RELL1: variants seen among roughly 807,000 people sequenced by gnomAD.
RELL1 encodes RELT like 1.
RELL1 carries 10 observed loss-of-function variants against 23.0 expected under a neutral mutation model. That is an observed-to-expected ratio of 0.43 (90% CI 0.27 to 0.74). The LOEUF (loss-of-function observed/expected upper bound fraction) is 0.74. RELL1 is among the 30% of genes least tolerant of loss of function. The probability of loss-of-function intolerance (pLI) is 0.19; values close to 1 mark genes in which losing one functional copy is unlikely to be tolerated. For synonymous variants in RELL1, 146 were observed against 146.8 expected (o/e 0.99, Z 0.04); for missense variants, 315 against 364.4 (o/e 0.86, Z 1.10).
At chr4:37,668,571 T>G (rs1309733949) in intron 1 of RELL1, among the ~76,000 whole-genome samples, 1 of 151,930 alleles carries the variant, frequency 6.6e-6, no homozygotes, top group Non-Finnish European at 1.5e-5. Flanking sequence ...CGCTACAACA[T>G]CCACCTCCCA....
intron 6 of RELL1, among the ~76,000 whole-genome samples, chr4:37,603,383 G>A (rs1719068684): frequency 6.6e-6 from 1 of 152,192 alleles, no homozygotes; most frequent in Non-Finnish European, 1.5e-5. Context: ...GCATGGTTCT[G>A]GGAAGATGAG....
chr4:37,630,943 A>AG (rs1447327920), intron 6 of RELL1, among the ~76,000 whole-genome samples: 1 of 141,522 alleles, frequency 7.1e-6, no homozygotes, highest in African/African-American at 2.5e-5. Flanking sequence ...TGGTTGTTTA[A>AG]AAAAAAAAAA....
intron 6 of RELL1, among the ~76,000 whole-genome samples, chr4:37,619,149 G>A (rs1719681112): frequency 6.6e-6 from 1 of 151,296 alleles, no homozygotes; most frequent in African/African-American, 2.4e-5. Flanking sequence ...AAAGTGCTGG[G>A]ATCACAGGCG....
intron 6 of RELL1, chr4:37,591,886 G>A (rs1718624348): frequency 6.6e-6 from 1 of 152,132 alleles, no homozygotes; most frequent in South Asian, 2.1e-4. Flanking sequence ...GAATATCAGT[G>A]ACCCTGGATG....
intron 1 of RELL1, among the ~76,000 whole-genome samples, chr4:37,650,988 G>A (rs185101721): frequency 6.6e-6 from 1 of 151,386 alleles, no homozygotes; most frequent in East Asian, 1.9e-4. Flanking sequence ...GAGCCTGCGA[G>A]GCAGAGGTTG....
intron 6 of RELL1, 84 bp downstream of exon 6, chr4:37,631,301 C>T (rs1720119720): frequency 1.4e-6 from 2 of 1,437,568 alleles, no homozygotes; most frequent in African/African-American, 2.9e-5. Context: ...CATTCCTATG[C>T]TGCCACAGCA....
chr4:37,659,779 T>C (rs949272309), intron 1 of RELL1, among the ~76,000 whole-genome samples: 9 of 152,044 alleles, frequency 5.9e-5, no homozygotes, highest in African/African-American at 2.2e-4. Context: ...CACGAGCCCA[T>C]CCTCCATGTC....
Position 37,630,356 on chromosome 4 carries a change from G to GTTTTTTTTTTTT in RELL1, c.*3+1017_*3+1028dup, listed in dbSNP as rs59763359. Among the ~76,000 whole-genome samples, 22 of 86,740 alleles carry GTTTTTTTTTTTT rather than the reference G, an allele frequency of 2.5e-4. 1 individual carries two copies. Among genetic ancestry groups the GTTTTTTTTTTTT allele is most frequent in the African/African-American group, 1.1e-3 (22 of 20,768 alleles). 56.9% of individuals were successfully genotyped at this position (86,740 alleles called of 152,430 possible). ...CAGGGTTCTGGTGCGTGTGTGTGTG[G>GTTTTTTTTTTTT]TTTTTTTTTTTTTTTTTTTTTTTTT... On this transcript the variant is annotated intron_variant, in intron 6 of 6. Coordinates refer to ENST00000454158, the MANE Select transcript of RELL1 (RefSeq NM_001085400.2).
intron 1 of RELL1, among the ~76,000 whole-genome samples, chr4:37,681,112 T>C (rs1722205101): frequency 6.6e-6 from 1 of 152,006 alleles, no homozygotes; most frequent in Non-Finnish European, 1.5e-5. Flanking sequence ...TAAAGGGAAA[T>C]GAGAAAAGAT....
chr4:37,681,030 C>T (rs746416625), intron 1 of RELL1, among the ~76,000 whole-genome samples: 2 of 151,798 alleles, frequency 1.3e-5, no homozygotes, highest in Admixed American at 1.3e-4. Flanking sequence ...GGGTGATTCT[C>T]GCTCCTTCCT....
chr4:37,617,469 A>G (rs553074651), intron 6 of RELL1, among the ~76,000 whole-genome samples: 4 of 152,342 alleles, frequency 2.6e-5, no homozygotes, highest in Admixed American at 6.5e-5. Context: ...TCACTTAAAG[A>G]CTGAAATATT....
chr4:37,594,606 T>C (rs1718764483), intron 6 of RELL1, among the ~76,000 whole-genome samples: 1 of 152,210 alleles, frequency 6.6e-6, no homozygotes, highest in Non-Finnish European at 1.5e-5. Context: ...TTAAATTTTT[T>C]CCCCTCATTG....
intron 6 of RELL1, among the ~76,000 whole-genome samples, chr4:37,620,961 T>C (rs2109243472): frequency 6.6e-6 from 1 of 152,328 alleles, no homozygotes; most frequent in African/African-American, 2.4e-5. Flanking sequence ...ATGGAGAAGC[T>C]GGGGCATCAG....
downstream of RELL1, among the ~76,000 whole-genome samples, chr4:37,608,937 T>A (rs1486659751): frequency 3.9e-5 from 6 of 152,196 alleles, no homozygotes; most frequent in Non-Finnish European, 7.3e-5. Context: ...AGCCAGTTCA[T>A]AAGGATTAAC....
chr4:37,634,609 G>A (rs1424614747), intron 5 of RELL1, among the ~76,000 whole-genome samples: 1 of 152,216 alleles, frequency 6.6e-6, no homozygotes, highest in Non-Finnish European at 1.5e-5. Flanking sequence ...AAATATAAAT[G>A]TCTATTCTGT....
At position 37,642,631 on chromosome 4, in the gene RELL1, C is replaced by G. The variant is rs908609420; in HGVS notation, c.386-4127G>C. 7.2e-5 allele frequency among the ~76,000 whole-genome samples: 11 copies of G among 152,182 alleles called. 1 individual carries two copies. In the South Asian group the frequency reaches 2.3e-3, roughly 32 times the overall value. On this transcript the variant is annotated intron_variant, in intron 3 of 6. Coordinates refer to ENST00000454158, the MANE Select transcript of RELL1 (RefSeq NM_001085400.2). Reference sequence around the variant, plus strand: ...GTCTTTTGTTATTCATAATGAGCACCTTTTGATCACACCTGGGTTTACACT... The same window carrying G: ...GTCTTTTGTTATTCATAATGAGCACGTTTTGATCACACCTGGGTTTACACT...
At chr4:37,668,904 C>CA (rs1305827131) in intron 1 of RELL1, among the ~76,000 whole-genome samples, 1 of 151,794 alleles carries the variant, frequency 6.6e-6, no homozygotes, top group African/African-American at 2.4e-5. Context: ...TCTGCCCGGC[C>CA]GCCCCGTCTG....
chr4:37,655,778 C>T (rs1246525495), intron 1 of RELL1, among the ~76,000 whole-genome samples: 1 of 152,232 alleles, frequency 6.6e-6, no homozygotes, highest in Non-Finnish European at 1.5e-5. Flanking sequence ...ACTGGATCTG[C>T]TCCACTCAGA....
intron 1 of RELL1, among the ~76,000 whole-genome samples, chr4:37,668,481 G>T (rs1721624133): frequency 6.6e-6 from 1 of 152,052 alleles, no homozygotes; most frequent in Non-Finnish European, 1.5e-5. Flanking sequence ...GCCTCCCGAG[G>T]TGCCGGGATT....
Sources: gnomAD v4.1 joint callset for allele counts (sites outside exome capture counted in the v4.1 genomes callset) on GRCh38, gnomAD v4.1.1 for gene constraint, MANE v1.5 for transcripts, NCBI Gene and HGNC (gene_info 2026-07-23, HGNC 2026-07-21) for gene names.